AGBL4: variants seen among roughly 807,000 people sequenced by gnomAD.
AGBL4 encodes AGBL carboxypeptidase 4.
A neutral mutation model predicts 66.4 loss-of-function variants in AGBL4; 58 were observed. That is an observed-to-expected ratio of 0.87 (90% CI 0.71 to 1.09). The LOEUF is 1.09. Ranked by LOEUF, AGBL4 falls within the 50% of genes least tolerant of loss-of-function variation. The probability of loss-of-function intolerance (pLI) is 0.00; values close to 1 mark genes in which losing one functional copy is unlikely to be tolerated. For missense variants in AGBL4, 579 were observed against 631.0 expected (o/e 0.92, Z 0.88); for synonymous variants, 234 against 222.9 (o/e 1.05, Z -0.44).
rs1646824446 is a variant in AGBL4, at chr1:48,702,854, C to T, written c.635-39613G>A. Among the ~76,000 whole-genome samples the T allele has an allele frequency of 2.6e-5, 4 of 152,246 alleles. 1 individual carries two copies. The highest frequency in any genetic ancestry group is 3.4e-3 in the Middle Eastern group (1 of 294). On this transcript the variant is annotated intron_variant, in intron 6 of 13. Coordinates refer to ENST00000371839, the MANE Select transcript of AGBL4 (RefSeq NM_032785.4). ...TCTAGAAGTTGACCCTGGAGTAAAACCAACTTCAGGCAGGCAAAATCAGCC... is the reference window on the plus strand; with the variant it reads ...TCTAGAAGTTGACCCTGGAGTAAAATCAACTTCAGGCAGGCAAAATCAGCC...
chr1:49,380,161 T>A (rs1433244399), intron 3 of AGBL4, among the ~76,000 whole-genome samples: 3 of 152,116 alleles, frequency 2.0e-5, no homozygotes, highest in Non-Finnish European at 4.4e-5. Flanking sequence ...AGTCTCAGGA[T>A]ACAAAATCAA....
At chr1:49,536,499 G>A (rs894109169) in intron 3 of AGBL4, among the ~76,000 whole-genome samples, 1 of 152,032 alleles carries the variant, frequency 6.6e-6, no homozygotes, top group African/African-American at 2.4e-5. Context: ...CAAATTCAAT[G>A]TCAATCCTAT....
At chr1:49,163,301 A>G (rs1347341924) in intron 4 of AGBL4, among the ~76,000 whole-genome samples, 2 of 151,744 alleles carry the variant, frequency 1.3e-5, no homozygotes, top group Non-Finnish European at 3.0e-5. Flanking sequence ...TCAAGCTTAT[A>G]ATGTTGTAAA....
chr1:49,834,402 T>A (rs1304058230), intron 2 of AGBL4, among the ~76,000 whole-genome samples: 1 of 152,222 alleles, frequency 6.6e-6, no homozygotes, highest in Non-Finnish European at 1.5e-5. Flanking sequence ...GATGGTAGTT[T>A]GTATTTCTGT....
intron 3 of AGBL4, among the ~76,000 whole-genome samples, chr1:49,679,641 A>C (rs1380984311): frequency 1.3e-5 from 2 of 151,852 alleles, no homozygotes; most frequent in Non-Finnish European, 2.9e-5. Flanking sequence ...TCATGTCTCC[A>C]TTTACTTTTT....
chr1:49,153,273 G>C (rs1232978544), intron 4 of AGBL4, among the ~76,000 whole-genome samples: 1 of 152,096 alleles, frequency 6.6e-6, no homozygotes, highest in African/African-American at 2.4e-5. Flanking sequence ...TCTTGCTGAA[G>C]ACTGTCACTG....
intron 3 of AGBL4, among the ~76,000 whole-genome samples, chr1:49,306,840 G>A (rs1474188894): frequency 1.3e-5 from 2 of 152,116 alleles, no homozygotes; most frequent in African/African-American, 4.8e-5. Flanking sequence ...TGTTGTCTCT[G>A]GTGTCATGAA....
At chr1:48,539,469 A>G (rs1054996312) in intron 12 of AGBL4, among the ~76,000 whole-genome samples, 173 bp downstream of exon 12, 1 of 151,902 alleles carries the variant, frequency 6.6e-6, no homozygotes. Flanking sequence ...CACTTTCTTT[A>G]TGCTCAGGAA....
chr1:49,317,178 C>T (rs758758342), intron 3 of AGBL4, among the ~76,000 whole-genome samples: 29 of 151,666 alleles, frequency 1.9e-4, no homozygotes, highest in South Asian at 2.1e-4. Flanking sequence ...TTTTTGTTTT[C>T]GTCTTTTTGG....
chr1:49,732,871 A>C (rs923460457), intron 2 of AGBL4, among the ~76,000 whole-genome samples: 1 of 152,188 alleles, frequency 6.6e-6, no homozygotes, highest in African/African-American at 2.4e-5. Flanking sequence ...AAAGCTTCTA[A>C]AATCTAGTAA....
At chr1:49,022,684 AACTT>A (rs1196795309) in intron 5 of AGBL4, among the ~76,000 whole-genome samples, 1 of 152,090 alleles carries the variant, frequency 6.6e-6, no homozygotes, top group Non-Finnish European at 1.5e-5. Flanking sequence ...TTGACATGTG[AACTT>A]ACTCTTCTTG....
chr1:49,095,387 A>C (rs1384838588), intron 4 of AGBL4, among the ~76,000 whole-genome samples: 3 of 152,228 alleles, frequency 2.0e-5, no homozygotes, highest in Admixed American at 6.5e-5. Context: ...GTTAATCCTA[A>C]GCCAAAAGAA....
intron 9 of AGBL4, among the ~76,000 whole-genome samples, chr1:48,592,553 A>G (rs1226506176): frequency 6.6e-6 from 1 of 152,230 alleles, no homozygotes; most frequent in East Asian, 1.9e-4. Flanking sequence ...TGGAATACAC[A>G]ATGATTCAAC....
chr1:48,773,741 G>A (rs1252846159), intron 6 of AGBL4, among the ~76,000 whole-genome samples: 1 of 152,192 alleles, frequency 6.6e-6, no homozygotes, highest in African/African-American at 2.4e-5. Flanking sequence ...TCCAATTCCA[G>A]CCTTGCCATT....
intron 6 of AGBL4, among the ~76,000 whole-genome samples, chr1:48,747,868 A>G (rs1375431349): frequency 4.6e-5 from 7 of 152,238 alleles, no homozygotes. Context: ...GACACTAAAT[A>G]TCATTTCTGA....
chr1:48,684,146 A>G (rs1209093971), intron 6 of AGBL4, among the ~76,000 whole-genome samples: 1 of 152,190 alleles, frequency 6.6e-6, no homozygotes, highest in Non-Finnish European at 1.5e-5. Flanking sequence ...GGCTATCACT[A>G]TGACTACAGT....
Position 49,458,875 on chromosome 1 carries a change from G to A in AGBL4, c.283-213011C>T, listed in dbSNP as rs139404103. Among the ~76,000 whole-genome samples the A allele has an allele frequency of 3.5e-3, 534 of 151,742 alleles. 4 individuals are homozygous for A. The highest frequency in any genetic ancestry group is 0.012 in the African/African-American group (478 of 41,470). On this transcript the variant is annotated intron_variant, in intron 3 of 13. Coordinates refer to ENST00000371839, the MANE Select transcript of AGBL4 (RefSeq NM_032785.4). ...GGTGTATCACATTTATTGACTTGCAGATGTTAAACCATCCCTGCATCCCTG... is the reference window on the plus strand; with the variant it reads ...GGTGTATCACATTTATTGACTTGCAAATGTTAAACCATCCCTGCATCCCTG...
At chr1:49,845,651 G>A (rs780478889) in intron 2 of AGBL4, 17 of 1,607,866 alleles carry the variant, frequency 1.1e-5, no homozygotes, top group Non-Finnish European at 1.1e-5. Flanking sequence ...ACCCACACAG[G>A]AGAAAAGCCC....
rs72905727 is a variant in AGBL4, at chr1:49,897,202, T to C, written c.35-45684A>G. On this transcript the variant is annotated intron_variant, in intron 1 of 13. Coordinates refer to ENST00000371839, the MANE Select transcript of AGBL4 (RefSeq NM_032785.4). ...GTTTGTAGATGATATAAACTTGCAC[T>C]TGAAAAAACCTAAGGACTCCACCAG... Among the ~76,000 whole-genome samples, 371 of 152,048 alleles carry C rather than the reference T, an allele frequency of 2.4e-3. 2 individuals carry two copies. Among genetic ancestry groups the C allele is most frequent in the African/African-American group, 8.6e-3 (358 of 41,538 alleles).
Sources: allele counts gnomAD v4.1 joint callset (sites outside exome capture counted in the v4.1 genomes callset), GRCh38; gene constraint gnomAD v4.1.1; transcripts MANE v1.5; gene names NCBI Gene and HGNC (gene_info 2026-07-23, HGNC 2026-07-21).